NOS1: variants seen among roughly 807,000 people sequenced by gnomAD.
NOS1 encodes the protein NOS type I.
NOS1 carries 51 observed loss-of-function variants against 164.5 expected under a neutral mutation model. The ratio of observed to expected loss-of-function variants is 0.31; its 90% CI spans 0.25 to 0.39. The LOEUF (loss-of-function observed/expected upper bound fraction) is 0.39, where lower values mean the gene tolerates loss of function less well. Among genes scored for constraint, NOS1 ranks in the 10% least tolerant of loss-of-function variants. The pLI, the probability that NOS1 is intolerant of heterozygous loss-of-function variation, is 1.00. For missense variants in NOS1, 1,362 were observed against 1,885.6 expected, an observed-to-expected ratio of 0.72 and a Z score of 5.14; for synonymous variants, 719 against 745.8, an observed-to-expected ratio of 0.96 and a Z score of 0.59.
chr12:117,318,665 C>T (rs532241879), intron 2 of NOS1, among the ~76,000 whole-genome samples: 6 of 152,264 alleles, frequency 3.9e-5, no homozygotes, highest in Non-Finnish European at 7.4e-5. Context: ...GAAGGTGGGT[C>T]GATTGGCCCG....
chr12:117,342,926 T>C (rs1434849194), intron 1 of NOS1, among the ~76,000 whole-genome samples: 2 of 151,826 alleles, frequency 1.3e-5, no homozygotes, highest in African/African-American at 4.8e-5. Flanking sequence ...TGGTGACTAA[T>C]TGGATACAGA....
In NOS1 at chr12:117,213,111, A is replaced by T; in HGVS notation, c.*2198T>A. ...AGAAAGGAGGTGCCTGGCACCTTGT[A>T]AGCGCTTCTAAGTATTTATTCCCTG... On this transcript the variant is annotated 3_prime_UTR_variant, in exon 29 of 29. Coordinates refer to ENST00000317775, the MANE Select transcript of NOS1 (RefSeq NM_000620.5). The T allele has an allele frequency of 1.0e-6, 1 of 985,464 alleles. No homozygotes were observed. The highest frequency in any genetic ancestry group is 4.7e-5 in the South Asian group (1 of 21,286). 61.0% of individuals were successfully genotyped at this position (985,464 alleles called of 1,614,324 possible).
intron 22 of NOS1, among the ~76,000 whole-genome samples, chr12:117,229,017 G>A (rs189202894): frequency 1.3e-5 from 2 of 152,280 alleles, no homozygotes; most frequent in Admixed American, 6.5e-5. Context: ...TCCTGACTTC[G>A]TGATCCACCC....
At chr12:117,282,832 T>A (rs1299178004) in intron 7 of NOS1, among the ~76,000 whole-genome samples, 1 of 152,132 alleles carries the variant, frequency 6.6e-6, no homozygotes, top group Non-Finnish European at 1.5e-5. Flanking sequence ...ATTTTAAAAG[T>A]GTGTTTAGAA....
intron 6 of NOS1, among the ~76,000 whole-genome samples, chr12:117,285,697 C>T (rs1874065759): frequency 6.6e-6 from 1 of 152,120 alleles, no homozygotes; most frequent in Non-Finnish European, 1.5e-5. Flanking sequence ...CCCCCCTGAT[C>T]TTGATAACAA....
rs1956511989 is a variant in NOS1 at position 117,210,589 on chromosome 12, G to C, written c.*4720C>G. On this transcript the variant is annotated 3_prime_UTR_variant, in exon 29 of 29. Coordinates refer to ENST00000317775, the MANE Select transcript of NOS1 (RefSeq NM_000620.5). ...AAAGGCTGCATTAGGCGCTGGTGCT[G>C]TCGGAGTGAAGGGGCTCAGGCATCT... 2 of 985,408 alleles carry C rather than the reference G, an allele frequency of 2.0e-6. No homozygotes were observed. Among genetic ancestry groups the C allele is most frequent in the African/African-American group, 3.5e-5 (2 of 57,244 alleles). The allele number at this position is 985,408 out of a possible 1,614,324, so 61.0% of individuals were successfully genotyped here.
At chr12:117,342,619 G>C (rs560987773) in intron 1 of NOS1, among the ~76,000 whole-genome samples, 1 of 152,248 alleles carries the variant, frequency 6.6e-6, no homozygotes, top group South Asian at 2.1e-4. Flanking sequence ...TGGATCATCA[G>C]GTCTCTTGAA....
At chr12:117,339,708 G>A (rs1876007521) in intron 1 of NOS1, among the ~76,000 whole-genome samples, 1 of 152,154 alleles carries the variant, frequency 6.6e-6, no homozygotes, top group South Asian at 2.1e-4. Flanking sequence ...AAATAAGCAG[G>A]AGATTAGAGC....
At chr12:117,224,982 G>T in intron 25 of NOS1, 34 bp downstream of exon 25, 2 of 1,613,818 alleles carry the variant, frequency 1.2e-6, no homozygotes, top group Non-Finnish European at 1.7e-6. Context: ...AGGTCCGGGG[G>T]TGGGAACCAA....
Position 117,356,654 on chromosome 12 carries a change from G to A in NOS1, c.-421+4858C>T, listed in dbSNP as rs1012481274. ...TACAATAAATGTGCTGACGTCTGCT[G>A]CCGAACAGCCCACGATAACTGCTGT... On this transcript the variant is annotated intron_variant, in intron 1 of 28. Transcript: ENST00000317775. The surrounding 1 kb of genome is among the most constrained non-coding windows in gnomAD (Gnocchi z 4.2). Among the ~76,000 whole-genome samples the A allele has an allele frequency of 3.9e-5, 6 of 152,222 alleles. No homozygotes were observed. The highest frequency in any genetic ancestry group is 8.8e-5 in the Non-Finnish European group (6 of 68,048).
At chr12:117,230,059 A>G (rs1403277345) in intron 22 of NOS1, among the ~76,000 whole-genome samples, 1 of 152,214 alleles carries the variant, frequency 6.6e-6, no homozygotes. Context: ...AGCTGGGTCT[A>G]CAGGCATGTG....
At chr12:117,231,564 C>A (rs1289110813) in intron 22 of NOS1, among the ~76,000 whole-genome samples, 1 of 151,852 alleles carries the variant, frequency 6.6e-6, no homozygotes, top group Non-Finnish European at 1.5e-5. Flanking sequence ...CAACCAAGTA[C>A]CCATAAAAAT....
Position 117,214,825 on chromosome 12 carries a change from C to T in NOS1, c.*484G>A. The T allele has an allele frequency of 1.0e-6, 1 of 971,268 alleles. No homozygotes were observed. 60.2% of individuals were successfully genotyped at this position (971,268 alleles called of 1,614,324 possible). On this transcript the variant is annotated 3_prime_UTR_variant, in exon 29 of 29. Transcript: ENST00000317775. ...TGCAGGGAAGAGGACGGACAGAGACCTGGCCCATCACACACACACACACAC... is the reference window on the plus strand; with the variant it reads ...TGCAGGGAAGAGGACGGACAGAGACTTGGCCCATCACACACACACACACAC...
intron 21 of NOS1, among the ~76,000 whole-genome samples, chr12:117,233,250 T>C (rs1398134243): frequency 2.6e-5 from 4 of 151,810 alleles, no homozygotes; most frequent in Admixed American, 6.6e-5. Flanking sequence ...CATTTCACCA[T>C]GTTGGCCAGG....
At chr12:117,346,567 T>C (rs544513837) in intron 1 of NOS1, among the ~76,000 whole-genome samples, 1 of 152,290 alleles carries the variant, frequency 6.6e-6, no homozygotes, top group African/African-American at 2.4e-5. Context: ...GCGATGAACA[T>C]GGTCTAATGC....
intron 3 of NOS1, among the ~76,000 whole-genome samples, chr12:117,300,133 T>C (rs1028940775): frequency 2.6e-5 from 4 of 152,226 alleles, no homozygotes; most frequent in African/African-American, 9.6e-5. Flanking sequence ...GCTGGGGCTG[T>C]TGACCTGTAA....
At chr12:117,269,460 A>ATT (rs200222625) in intron 10 of NOS1, among the ~76,000 whole-genome samples, 1,487 of 109,848 alleles carry the variant, frequency 0.014, 91 homozygotes, top group African/African-American at 0.046. Flanking sequence ...ATCTCTGGAG[A>ATT]TTTGTTTTTT....
Position 117,209,348 on chromosome 12 carries a change from C to T in NOS1, c.*5961G>A, listed in dbSNP as rs139810727. 124 of 971,962 alleles carry T rather than the reference C, an allele frequency of 1.3e-4. No individual in the cohort carries two copies. Among genetic ancestry groups the T allele is most frequent in the East Asian group, 2.3e-4 (2 of 8,748 alleles). 60.2% of individuals were successfully genotyped at this position (971,962 alleles called of 1,614,324 possible). On this transcript the variant is annotated 3_prime_UTR_variant, in exon 29 of 29. Coordinates refer to ENST00000317775, the MANE Select transcript of NOS1 (RefSeq NM_000620.5). The stretch of plus-strand genomic sequence containing the variant: ...GCTCAGCTTCCTACAGTACCCAAGA[C>T]GGCCCCCACAAGAAAGAATTACCCA...
In NOS1 at chr12:117,272,339, C is replaced by T. The variant is rs1441574085; in HGVS notation, c.1839+46G>A. ...GGAAGGGGACTGCTGAGCTGGCACC[C>T]TCTGCTATGTGCTTTTCCCCTGTGG... On this transcript the variant is annotated intron_variant, in intron 10 of 28. Coordinates refer to ENST00000317775, the MANE Select transcript of NOS1 (RefSeq NM_000620.5). This position sits in a 1 kb window ranked among gnomAD's most constrained non-coding sequence, Gnocchi z 4.3. 5 of 1,607,876 alleles carry T rather than the reference C, an allele frequency of 3.1e-6. No individual in the cohort carries two copies. Among genetic ancestry groups the T allele is most frequent in the Non-Finnish European group, 4.3e-6 (5 of 1,175,276 alleles).
Sources: allele counts gnomAD v4.1 joint callset (sites outside exome capture counted in the v4.1 genomes callset), GRCh38; gene constraint gnomAD v4.1.1; non-coding constraint Gnocchi (gnomAD v3.1); transcripts MANE v1.5; gene names NCBI Gene and HGNC (gene_info 2026-07-23, HGNC 2026-07-21).